The following IL26 variants were observed in gnomAD, a reference collection of about 807,000 sequenced individuals.
IL26 encodes interleukin 26.
IL26 carries 23 observed loss-of-function variants against 21.7 expected under a neutral mutation model. That is an observed-to-expected ratio of 1.06 (90% CI 0.76 to 1.50). The LOEUF is 1.50. IL26 is among the 40% of genes most tolerant of loss of function. IL26 has a pLI of 0.00. For synonymous variants in IL26, 63 were observed against 67.8 expected (o/e 0.93, Z 0.34); for missense variants, 204 against 196.0 (o/e 1.04, Z -0.24).
In IL26 at chr12:68,225,580, A is replaced by G; in HGVS notation, c.171+6T>C. On this transcript the variant is annotated splice_donor_region_variant and intron_variant, in intron 1 of 4. Coordinates refer to ENST00000229134, the MANE Select transcript of IL26 (RefSeq NM_018402.2). ...GTCATGATTTTAAGCAGAGCCTAAT[A>G]CTTACTGGAATCGTTGCTTTGAGCC... 1.2e-6 allele frequency: 2 copies of G among 1,613,910 alleles called. No homozygotes were observed. The highest frequency in any genetic ancestry group is 2.2e-5 in the South Asian group (2 of 91,066).
chr12:68,216,097 C>A (rs1431650712), intron 3 of IL26, among the ~76,000 whole-genome samples: 1 of 151,592 alleles, frequency 6.6e-6, no homozygotes, highest in Non-Finnish European at 1.5e-5. Flanking sequence ...TCGAGACCAT[C>A]CTGGCCAACA....
At chr12:68,214,825 A>T (rs1377382970) in intron 3 of IL26, among the ~76,000 whole-genome samples, 1 of 149,748 alleles carries the variant, frequency 6.7e-6, no homozygotes, top group Non-Finnish European at 1.5e-5. Flanking sequence ...GTCCACTTAC[A>T]TTCAATGTTA....
intron 3 of IL26, among the ~76,000 whole-genome samples, chr12:68,217,631 G>A (rs11571011): frequency 0.014 from 2,185 of 152,188 alleles, 43 homozygotes; most frequent in African/African-American, 0.05. Flanking sequence ...AGTGCCTTAT[G>A]AATTAACGGA....
intron 3 of IL26, among the ~76,000 whole-genome samples, chr12:68,204,814 C>G (rs1177935985): frequency 1.3e-5 from 2 of 152,184 alleles, no homozygotes; most frequent in Non-Finnish European, 2.9e-5. Flanking sequence ...ACAGAGTTCT[C>G]ATTTTCTTTA....
intron 3 of IL26, among the ~76,000 whole-genome samples, chr12:68,205,830 C>T (rs1031042703): frequency 6.6e-6 from 1 of 152,126 alleles, no homozygotes; most frequent in African/African-American, 2.4e-5. Context: ...AAGTTAAAAC[C>T]ACTCTTGAAT....
At chr12:68,215,309 G>A (rs11571020) in intron 3 of IL26, among the ~76,000 whole-genome samples, 2,272 of 152,204 alleles carry the variant, frequency 0.015, 48 homozygotes, top group African/African-American at 0.052. Flanking sequence ...AATTTTCCCT[G>A]TGCTTGGTGC....
chr12:68,223,884 G>GTTTTTTTTTTTTTTTTTTTTTGT (rs376115904), intron 3 of IL26, among the ~76,000 whole-genome samples: 1 of 132,270 alleles, frequency 7.6e-6, no homozygotes, highest in Non-Finnish European at 1.6e-5. Context: ...AAATTTGGTG[G>GTTTTTTTTTTTTTTTTTTTTTGT]TTTTTTTTTT....
At chr12:68,223,884 G>GTTTTTTTTTTTTTTTTTTTTTTCT (rs376115904) in intron 3 of IL26, among the ~76,000 whole-genome samples, 1 of 132,272 alleles carries the variant, frequency 7.6e-6, no homozygotes, top group African/African-American at 2.8e-5. Context: ...AAATTTGGTG[G>GTTTTTTTTTTTTTTTTTTTTTTCT]TTTTTTTTTT....
At chr12:68,207,368 T>C (rs1868573261) in intron 3 of IL26, among the ~76,000 whole-genome samples, 1 of 152,248 alleles carries the variant, frequency 6.6e-6, no homozygotes, top group South Asian at 2.1e-4. Context: ...AGATTTATGA[T>C]ATTGCACAAA....
chr12:68,219,709 A>G lies in IL26; in HGVS notation c.363+5440T>C, dbSNP rs11571005. On this transcript the variant is annotated intron_variant, in intron 3 of 4. Coordinates refer to ENST00000229134, the MANE Select transcript of IL26 (RefSeq NM_018402.2). ...TAAATTTAATAGAAGAAAATGAATA[A>G]TAATGTTCAGAATAAAAATCACTGA... 4.6e-3 allele frequency among the ~76,000 whole-genome samples: 701 copies of G among 152,022 alleles called. 5 individuals carry two copies. The highest frequency in any genetic ancestry group is 0.039 in the South Asian group (188 of 4,828).
At chr12:68,207,210 T>C (rs1868567812) in intron 3 of IL26, among the ~76,000 whole-genome samples, 1 of 152,210 alleles carries the variant, frequency 6.6e-6, no homozygotes, top group Admixed American at 6.5e-5. Flanking sequence ...ATCCTGGACT[T>C]GTCAGGCAAC....
chr12:68,207,592 C>A (rs933959818), intron 3 of IL26, among the ~76,000 whole-genome samples: 85 of 152,324 alleles, frequency 5.6e-4, no homozygotes, highest in African/African-American at 1.8e-3. Context: ...TAATTATCTT[C>A]ATGTGAGCAG....
rs1868392998 is a variant in IL26 at position 68,201,675 on chromosome 12, A to G, written c.*170T>C. ...AAAATGTGCAAATTAGTGACAACTT[A>G]TATCCAAAACGTTAATTTACTAAAT... On this transcript the variant is annotated 3_prime_UTR_variant, in exon 5 of 5. Transcript: ENST00000229134. 1 of 474,254 alleles carries G rather than the reference A, an allele frequency of 2.1e-6. No individual in the cohort carries two copies. Among genetic ancestry groups the G allele is most frequent in the South Asian group, 4.7e-5 (1 of 21,428 alleles). The allele number at this position is 474,254 out of a possible 1,614,324, so 29.4% of individuals were successfully genotyped here. A position where few individuals can be genotyped will look rare whatever the true frequency, so the allele number is the denominator to read the frequency against.
intron 3 of IL26, among the ~76,000 whole-genome samples, chr12:68,207,416 CA>C (rs1442888358): frequency 1.3e-5 from 2 of 152,180 alleles, no homozygotes; most frequent in East Asian, 1.9e-4. Context: ...CTTTTTACTG[CA>C]ATGGGCAATT....
chr12:68,202,000 A>G lies in IL26; in HGVS notation c.429+18T>C, dbSNP rs1281085226. 2 of 1,548,150 alleles carry G rather than the reference A, an allele frequency of 1.3e-6. No individual in the cohort carries two copies. Among genetic ancestry groups the G allele is most frequent in the Non-Finnish European group, 8.8e-7 (1 of 1,140,544 alleles). ...TTAAAAAACAAAGTTTTTTAATATA[A>G]GGATTTAGAATTCTTACCCTATAAA... On this transcript the variant is annotated intron_variant, in intron 4 of 4. Transcript: ENST00000229134.
At position 68,204,141 on chromosome 12, in the gene IL26, A is replaced by ATTTTTTTTTTTTTTTT. The variant is rs6144754; in HGVS notation, c.364-2074_364-2059dup. On this transcript the variant is annotated intron_variant, in intron 3 of 4. Transcript: ENST00000229134. ...TAAAATCATGTGTTAGGATTCAAAG[A>ATTTTTTTTTTTTTTTT]TTTTTTTTTTTTTTTTTTTTGAGGC... is the stretch of plus-strand genomic sequence containing the variant. 9.4e-4 allele frequency among the ~76,000 whole-genome samples: 106 copies of ATTTTTTTTTTTTTTTT among 113,182 alleles called. 1 individual carries two copies. Among genetic ancestry groups the ATTTTTTTTTTTTTTTT allele is most frequent in the South Asian group, 2.5e-3 (9 of 3,548 alleles). The allele number at this position is 113,182 out of a possible 152,430, so 74.3% of individuals were successfully genotyped here. A position where few individuals can be genotyped will look rare whatever the true frequency, so the allele number is the denominator to read the frequency against.
rs1360612934 is a variant in IL26 at position 68,225,367 on chromosome 12, G to GA, written c.228+76dup. 2.0e-6 allele frequency: 3 copies of GA among 1,526,058 alleles called. No homozygotes were observed. The African/African-American group carries it at 4.2e-5, about 21-fold the overall frequency. 94.5% of individuals were successfully genotyped at this position (1,526,058 alleles called of 1,614,324 possible). A position where few individuals can be genotyped will look rare whatever the true frequency, so the allele number is the denominator to read the frequency against. On this transcript the variant is annotated intron_variant, in intron 2 of 4. Coordinates refer to ENST00000229134, the MANE Select transcript of IL26 (RefSeq NM_018402.2). ...CCCGATCATTACTTAATTACTCTCT[G>GA]AAAAAAATTTAAATGCAGGGGGAAA...
chr12:68,217,142 G>A (rs1040610656), intron 3 of IL26, among the ~76,000 whole-genome samples: 1 of 152,024 alleles, frequency 6.6e-6, no homozygotes, highest in Non-Finnish European at 1.5e-5. Context: ...CAAACTAATT[G>A]GAAAATATAT....
intron 3 of IL26, among the ~76,000 whole-genome samples, chr12:68,208,605 C>T (rs945165171): frequency 6.6e-6 from 1 of 152,124 alleles, no homozygotes; most frequent in Non-Finnish European, 1.5e-5. Flanking sequence ...TGGGTTCAAG[C>T]AATACTCCTG....
Sources: allele counts gnomAD v4.1 joint callset (sites outside exome capture counted in the v4.1 genomes callset), GRCh38; gene constraint gnomAD v4.1.1; transcripts MANE v1.5; gene names NCBI Gene and HGNC (gene_info 2026-07-23, HGNC 2026-07-21).